The following TPRG1 variants were observed in gnomAD, a reference collection of about 807,000 sequenced individuals.
TPRG1 encodes the protein tumor protein p63-regulated gene 1 protein.
In TPRG1, 29 loss-of-function variants were observed where a neutral mutation model predicts 29.3. The observed-to-expected ratio is 0.99, with a 90% CI of 0.74 to 1.35. TPRG1 has a LOEUF of 1.35. Among genes scored for constraint, TPRG1 ranks in the 40% most tolerant of loss-of-function variants. TPRG1 has a pLI of 0.00. For missense variants in TPRG1, 327 were observed against 335.0 expected (o/e 0.98, Z 0.19); for synonymous variants, 130 against 116.8 (o/e 1.11, Z -0.73).
chr3:189,021,544 A>T (rs1285655138), intron 3 of TPRG1, among the ~76,000 whole-genome samples: 1 of 152,150 alleles, frequency 6.6e-6, no homozygotes, highest in Non-Finnish European at 1.5e-5. Flanking sequence ...TTCTTTAAGA[A>T]TGTTGAATAT....
chr3:189,272,713 C>CT (rs745809250), intron 4 of TPRG1, among the ~76,000 whole-genome samples: 8 of 132,412 alleles, frequency 6.0e-5, no homozygotes, highest in African/African-American at 1.7e-4. Flanking sequence ...TTCTTTCTTT[C>CT]TCCTTCCTTC....
At chr3:189,239,009 C>A in intron 4 of TPRG1, 100 bp downstream of exon 4, 3 of 998,930 alleles carry the variant, frequency 3.0e-6, no homozygotes, top group Non-Finnish European at 4.3e-6. Context: ...CTGGGAGAAC[C>A]CAAGGGAGGA....
In TPRG1 at chr3:189,320,851, C is replaced by A; in HGVS notation, c.*31C>A. On this transcript the variant is annotated 3_prime_UTR_variant, in exon 6 of 6. Transcript: ENST00000345063. Reference sequence around the variant, plus strand: ...TTTTTGGTACCATAAGCATATCATCCACAGATATGTCACTTTGAAAATTCC... The same window carrying A: ...TTTTTGGTACCATAAGCATATCATCAACAGATATGTCACTTTGAAAATTCC... 6.8e-7 allele frequency: 1 copy of A among 1,474,342 alleles called. No individual in the cohort carries two copies. Among genetic ancestry groups the A allele is most frequent in the South Asian group, 1.5e-5 (1 of 68,392 alleles). The allele number at this position is 1,474,342 out of a possible 1,614,324, so 91.3% of individuals were successfully genotyped here.
At chr3:189,212,432 A>G (rs1022496429) in intron 2 of TPRG1, among the ~76,000 whole-genome samples, 1 of 152,198 alleles carries the variant, frequency 6.6e-6, no homozygotes, top group African/African-American at 2.4e-5. Flanking sequence ...CACATTGGGA[A>G]CAAATAAATA....
intron 4 of TPRG1, among the ~76,000 whole-genome samples, chr3:189,270,306 C>T (rs1714898761): frequency 6.6e-6 from 1 of 152,122 alleles, no homozygotes; most frequent in African/African-American, 2.4e-5. Flanking sequence ...CATTGAACTC[C>T]TCATGCCTTT....
intron 4 of TPRG1, among the ~76,000 whole-genome samples, chr3:189,092,964 T>G (rs988083842): frequency 2.6e-5 from 4 of 151,860 alleles, no homozygotes; most frequent in African/African-American, 9.7e-5. Flanking sequence ...TTGCTGAAAT[T>G]GATGAGCATG....
intron 4 of TPRG1, among the ~76,000 whole-genome samples, chr3:189,063,210 GTAAT>G: frequency 6.6e-6 from 1 of 152,184 alleles, no homozygotes; most frequent in East Asian, 1.9e-4. Context: ...GGAAGAGGTA[GTAAT>G]TCTAAATGTA....
intron 2 of TPRG1, among the ~76,000 whole-genome samples, chr3:189,210,657 ACATTTTGAGCGT>A (rs1196159983): frequency 8.5e-5 from 13 of 152,220 alleles, no homozygotes; most frequent in Non-Finnish European, 1.9e-4. Flanking sequence ...TCCTGAGACC[ACATTTTGAGCGT>A]GAGTGAGCTA....
At chr3:189,056,085 C>CTTCCTTCT (rs1284407285) in intron 4 of TPRG1, among the ~76,000 whole-genome samples, 22 of 133,122 alleles carry the variant, frequency 1.7e-4, no homozygotes, top group Non-Finnish European at 3.3e-4. Flanking sequence ...TCCTTCCTTC[C>CTTCCTTCT]TTCCTTCCTT....
At chr3:189,297,115 G>A (rs561126122) in intron 4 of TPRG1, among the ~76,000 whole-genome samples, 38 of 152,080 alleles carry the variant, frequency 2.5e-4, no homozygotes, top group African/African-American at 8.9e-4. Context: ...CGAGTAGCTG[G>A]GACTACAGGC....
At chr3:189,197,701 A>G (rs912683167) in intron 1 of TPRG1, among the ~76,000 whole-genome samples, 1 of 152,216 alleles carries the variant, frequency 6.6e-6, no homozygotes, top group African/African-American at 2.4e-5. Flanking sequence ...GGGAATTTCA[A>G]TATTGGACAG....
chr3:189,304,143 A>G (rs965973767), intron 4 of TPRG1, among the ~76,000 whole-genome samples: 3 of 146,674 alleles, frequency 2.0e-5, no homozygotes, highest in Non-Finnish European at 4.5e-5. Context: ...TCTAACCAGC[A>G]TAACACAAAT....
chr3:189,193,335 G>A (rs1208052086), intron 1 of TPRG1, among the ~76,000 whole-genome samples: 1 of 151,830 alleles, frequency 6.6e-6, no homozygotes, highest in African/African-American at 2.4e-5. Context: ...GAGCCTTGTT[G>A]TGTTGCCCAG....
At chr3:189,124,016 C>T (rs1238374636) in intron 1 of TPRG1, among the ~76,000 whole-genome samples, 1 of 152,148 alleles carries the variant, frequency 6.6e-6, no homozygotes, top group Non-Finnish European at 1.5e-5. Context: ...GCAGCAGAGT[C>T]TTGTCTTTAC....
chr3:189,295,063 G>A lies in TPRG1; in HGVS notation c.480-15323G>A, dbSNP rs546382914. On this transcript the variant is annotated intron_variant, in intron 4 of 5. Coordinates refer to ENST00000345063, the MANE Select transcript of TPRG1 (RefSeq NM_198485.4). ...CCACATTCACGCCTTTGTTTTATGT[G>A]CTTCTATGTGGAATAATCTTTCTCC... Among the ~76,000 whole-genome samples, 4 of 152,274 alleles carry A rather than the reference G, an allele frequency of 2.6e-5. No homozygotes were observed. The East Asian group carries it at 7.7e-4, about 29-fold the overall frequency.
intron 4 of TPRG1, among the ~76,000 whole-genome samples, chr3:189,292,883 G>C (rs1719249026): frequency 6.6e-6 from 1 of 152,104 alleles, no homozygotes; most frequent in Non-Finnish European, 1.5e-5. Context: ...TGTTTAGAAA[G>C]GTGTCCTTGG....
At chr3:189,161,229 G>C (rs1727435140) in intron 5 of TPRG1, among the ~76,000 whole-genome samples, 1 of 152,200 alleles carries the variant, frequency 6.6e-6, no homozygotes, top group South Asian at 2.1e-4. Context: ...ATGGGGGTTA[G>C]GGCTGGAGGG....
intron 1 of TPRG1, among the ~76,000 whole-genome samples, chr3:189,177,373 TA>T (rs1029159761): frequency 1.3e-5 from 2 of 151,780 alleles, no homozygotes; most frequent in Non-Finnish European, 2.9e-5. Flanking sequence ...GAGCCGAAGA[TA>T]AAAAATGGGA....
At chr3:189,272,691 CTTTCTCTT>C (rs1410942174) in intron 4 of TPRG1, among the ~76,000 whole-genome samples, 1 of 147,226 alleles carries the variant, frequency 6.8e-6, no homozygotes, top group Non-Finnish European at 1.5e-5. Context: ...TCCTTTCTTT[CTTTCTCTT>C]TCTTTCTTTC....
Sources: gnomAD v4.1 joint callset for allele counts (sites outside exome capture counted in the v4.1 genomes callset) on GRCh38, gnomAD v4.1.1 for gene constraint, MANE v1.5 for transcripts, NCBI Gene and HGNC (gene_info 2026-07-23, HGNC 2026-07-21) for gene names.